RTL4: variants seen among roughly 807,000 people sequenced by gnomAD.
The protein encoded by RTL4 is retrotransposon Gag like 4.
RTL4 carries 4 observed loss-of-function variants against 5.3 expected under a neutral mutation model. That is an observed-to-expected ratio of 0.75 (90% confidence interval 0.37 to 1.72). The LOEUF (loss-of-function observed/expected upper bound fraction) is 1.72, where lower values mean the gene tolerates loss of function less well. RTL4 is among the 40% of genes most tolerant of loss of function. The pLI is 0.04. For synonymous variants in RTL4, 98 were observed against 87.3 expected (o/e 1.12, Z -0.68); for missense variants, 260 against 227.1 (o/e 1.14, Z -0.93).
chrX:112,451,398 C>T (rs6655182), upstream of RTL4, among the ~76,000 whole-genome samples: 22,582 of 109,816 alleles, frequency 0.21, 1,956 homozygotes, highest in Middle Eastern at 0.29. Flanking sequence ...ACCAGGGAGG[C>T]TGGGGTGGGA....
the RTL4 span, among the ~76,000 whole-genome samples, chrX:112,362,262 A>G: frequency 8.9e-6 from 1 of 112,041 alleles, no homozygotes; most frequent in East Asian, 2.8e-4. Context: ...ACGTAGAGCA[A>G]TGAACAAGAA....
the RTL4 span, among the ~76,000 whole-genome samples, chrX:112,354,209 A>G: frequency 1.9e-4 from 21 of 111,338 alleles, no homozygotes; most frequent in Non-Finnish European, 3.8e-4. Flanking sequence ...GCAGCATTAT[A>G]GTATAGGACA....
At chrX:112,306,722 G>A in the RTL4 span, among the ~76,000 whole-genome samples, 4 of 111,691 alleles carry the variant, frequency 3.6e-5, no homozygotes, top group Admixed American at 1.9e-4. Flanking sequence ...TCCTATGCTG[G>A]CTTCATGTAG....
At chrX:112,384,543 C>G in the RTL4 span, among the ~76,000 whole-genome samples, 5 of 111,234 alleles carry the variant, frequency 4.5e-5, no homozygotes, top group Non-Finnish European at 9.4e-5. Context: ...ATTTCTGAGG[C>G]CTCTGTTCCA....
the RTL4 span, among the ~76,000 whole-genome samples, chrX:112,360,686 C>T: frequency 9.1e-6 from 1 of 110,408 alleles, no homozygotes; most frequent in African/African-American, 3.3e-5. Flanking sequence ...AAACTCATTT[C>T]ACCATTTTTA....
exon 1 of RTL4, chrX:112,455,138 G>C: frequency 2.5e-6 from 3 of 1,211,714 alleles, no homozygotes; most frequent in Non-Finnish European, 3.3e-6. Flanking sequence ...CAGTCATTTG[G>C]TAAACCCACA....
At chrX:112,177,514 T>C in the RTL4 span, among the ~76,000 whole-genome samples, 1 of 103,161 alleles carries the variant, frequency 9.7e-6, no homozygotes, top group Non-Finnish European at 2.0e-5. Context: ...CATTTAAAAT[T>C]AGATTATTTG....
At chrX:112,305,321 T>C in the RTL4 span, among the ~76,000 whole-genome samples, 1 of 107,260 alleles carries the variant, frequency 9.3e-6, no homozygotes, top group Non-Finnish European at 1.9e-5. Context: ...CATACCTGGC[T>C]AATTTTTGTA....
the RTL4 span, among the ~76,000 whole-genome samples, chrX:112,404,507 T>TGCTC: frequency 8.9e-6 from 1 of 112,054 alleles, no homozygotes; most frequent in Non-Finnish European, 1.9e-5. Flanking sequence ...TATGCCTGCC[T>TGCTC]GCTCCACATA....
At chrX:112,109,595 C>T in the RTL4 span, among the ~76,000 whole-genome samples, 1 of 111,821 alleles carries the variant, frequency 8.9e-6, no homozygotes, top group Non-Finnish European at 1.9e-5. Context: ...TTTTACAGAG[C>T]ACTGACAAAC....
chrX:112,241,991 AG>A, the RTL4 span, among the ~76,000 whole-genome samples: 2 of 111,708 alleles, frequency 1.8e-5, no homozygotes, highest in African/African-American at 6.5e-5. Context: ...GGTTTGTCAA[AG>A]ATCAGATGGT....
At chrX:112,440,532 T>C in the RTL4 span, among the ~76,000 whole-genome samples, 1 of 112,175 alleles carries the variant, frequency 8.9e-6, no homozygotes, top group Non-Finnish European at 1.9e-5. Flanking sequence ...AGCAGTATTC[T>C]AAAAACATAC....
the RTL4 span, among the ~76,000 whole-genome samples, chrX:112,342,253 C>G: frequency 9.0e-6 from 1 of 111,312 alleles, no homozygotes; most frequent in African/African-American, 3.3e-5. Flanking sequence ...TCTAACTCGG[C>G]CATTCTTAAC....
the RTL4 span, among the ~76,000 whole-genome samples, chrX:112,397,322 G>C: frequency 9.0e-6 from 1 of 111,663 alleles, no homozygotes; most frequent in Non-Finnish European, 1.9e-5. Flanking sequence ...TGTGTAAATA[G>C]TTGTTCTATT....
chrX:112,174,352 A>T, the RTL4 span, among the ~76,000 whole-genome samples: 2 of 98,903 alleles, frequency 2.0e-5, no homozygotes, highest in South Asian at 1.1e-3. Flanking sequence ...TGTCCTTGCG[A>T]TAGTTTACTG....
the RTL4 span, among the ~76,000 whole-genome samples, chrX:112,298,962 G>A: frequency 8.9e-6 from 1 of 112,829 alleles, no homozygotes; most frequent in Non-Finnish European, 1.9e-5. Context: ...CTTCAACTGT[G>A]TTTGCATCAG....
At chrX:112,213,011 G>A in the RTL4 span, among the ~76,000 whole-genome samples, 2 of 112,299 alleles carry the variant, frequency 1.8e-5, no homozygotes, top group South Asian at 7.5e-4. Context: ...TGTTATGGGA[G>A]TAGTAATATT....
the RTL4 span, among the ~76,000 whole-genome samples, chrX:112,159,813 T>G: frequency 9.0e-6 from 1 of 110,837 alleles, no homozygotes; most frequent in Non-Finnish European, 1.9e-5. Context: ...AGGGATCCCA[T>G]GTGTGCCATT....
At chrX:112,167,892 C>T in the RTL4 span, among the ~76,000 whole-genome samples, 4 of 109,954 alleles carry the variant, frequency 3.6e-5, no homozygotes, top group East Asian at 5.7e-4. Flanking sequence ...AAAAAAAACA[C>T]GGTCAACATT....
Sources: gnomAD v4.1 joint callset for allele counts (sites outside exome capture counted in the v4.1 genomes callset) on GRCh38, gnomAD v4.1.1 for gene constraint, MANE v1.5 for transcripts, NCBI Gene and HGNC (gene_info 2026-07-23, HGNC 2026-07-21) for gene names.